Variants in CPLANE1 observed in about 807,000 individuals in gnomAD.
CPLANE1 encodes the protein ciliogenesis and planar polarity effector 1.
In CPLANE1, 263 loss-of-function variants were observed where a neutral mutation model predicts 362.5. That is an observed-to-expected ratio of 0.73 (90% CI 0.66 to 0.80). The LOEUF (loss-of-function observed/expected upper bound fraction) is 0.80. Ranked by LOEUF, CPLANE1 falls within the 30% of genes least tolerant of loss-of-function variation. The pLI is 0.00. For missense variants in CPLANE1, 3,461 were observed against 3,793.4 expected (o/e 0.91, Z 2.30); for synonymous variants, 1,212 against 1,302.6 (o/e 0.93, Z 1.50).
At chr5:37,076,397 C>G in the CPLANE1 span, among the ~76,000 whole-genome samples, 1 of 151,888 alleles carries the variant, frequency 6.6e-6, no homozygotes, top group African/African-American at 2.4e-5. Context: ...CCGCAACCTT[C>G]GCCTCCCAGA....
At chr5:37,127,804 C>A in intron 46 of CPLANE1, among the ~76,000 whole-genome samples, 1 of 152,026 alleles carries the variant, frequency 6.6e-6, no homozygotes, top group East Asian at 1.9e-4. Flanking sequence ...GCATGAGCCA[C>A]CGAGCCCAGC....
intron 39 of CPLANE1, 53 bp downstream of exon 39, chr5:37,158,171 A>G: frequency 6.3e-7 from 1 of 1,577,668 alleles, no homozygotes; most frequent in Middle Eastern, 1.8e-4. Context: ...CTACATGACC[A>G]TAATACATTT....
intron 42 of CPLANE1, among the ~76,000 whole-genome samples, chr5:37,152,545 T>G (rs1469530536): frequency 6.6e-6 from 1 of 152,156 alleles, no homozygotes; most frequent in African/African-American, 2.4e-5. Context: ...CCTATTTTAT[T>G]TAACTACCAT....
rs765570914 is a variant in CPLANE1 at position 37,187,764 on chromosome 5, T to G, written c.3890A>C (p.Gln1297Pro). 2 of 1,613,854 alleles carry G rather than the reference T, an allele frequency of 1.2e-6. No individual in the cohort carries two copies. The highest frequency in any genetic ancestry group is 1.1e-5 in the South Asian group (1 of 91,044). Residue 1297 changes from glutamine (Q) to proline (P), a missense_variant, in exon 22 of 53, where the codon CAG becomes CCG. Gln to Pro is a moderately conservative substitution (Grantham distance 76). Around this residue, in one of 2 missense-constraint regions of CPLANE1, gnomAD observed 3,380 missense variants for 3,666.1 expected, o/e 0.92. Transcript: ENST00000651892. Reference protein sequence around the residue: ...DKLSYSCRQYQKARENVKGEK... With the variant: ...DKLSYSCRQYPKARENVKGEK... ...TCCTTTTACATTTTCTCTTGCTTTC[T>G]GATATTGCCTGCAACTATAGGATAA...
chr5:37,111,777 C>G (rs944308387), intron 51 of CPLANE1, among the ~76,000 whole-genome samples: 3 of 151,900 alleles, frequency 2.0e-5, no homozygotes, highest in Non-Finnish European at 4.4e-5. Context: ...ACTGAAAGTT[C>G]CATGTTAAAA....
chr5:37,125,020 G>A (rs1763756545), intron 47 of CPLANE1: 1 of 1,295,694 alleles, frequency 7.7e-7, no homozygotes, highest in Non-Finnish European at 9.7e-7. Flanking sequence ...TAGCCTGGGG[G>A]ACAAGAAAAT....
intron 38 of CPLANE1, among the ~76,000 whole-genome samples, chr5:37,159,362 C>T (rs1399955512): frequency 2.0e-5 from 3 of 151,994 alleles, no homozygotes; most frequent in Non-Finnish European, 4.4e-5. Flanking sequence ...TCACCCGCCT[C>T]GGCCTCCCAA....
At chr5:37,194,968 C>T (rs1288544957) in intron 21 of CPLANE1, among the ~76,000 whole-genome samples, 1 of 151,584 alleles carries the variant, frequency 6.6e-6, no homozygotes. Context: ...CTGGCTAACA[C>T]GGTGAAACCC....
chr5:37,211,247 C>T (rs187679681), intron 16 of CPLANE1: 13 of 1,498,008 alleles, frequency 8.7e-6, no homozygotes, highest in Non-Finnish European at 1.0e-5. Context: ...TTGAGTTTGT[C>T]GCCAATACTA....
rs1470768013 is a variant in CPLANE1 at position 37,213,545 on chromosome 5, G to T, written c.2920+14C>A. 4.0e-6 allele frequency: 6 copies of T among 1,505,136 alleles called. No individual in the cohort carries two copies. In the African/African-American group the frequency reaches 7.0e-5, roughly 17 times the overall value. 93.2% of individuals were successfully genotyped at this position (1,505,136 alleles called of 1,614,324 possible). ...TGCAAAAAAAGTTTAAAAAGGATTT[G>T]TTTACTACATTACCTGTTTTAATAT... On this transcript the variant is annotated intron_variant, in intron 16 of 52. Transcript: ENST00000651892.
intron 32 of CPLANE1, 34 bp from the exon 33 acceptor site, chr5:37,170,365 A>C (rs767760865): frequency 2.6e-6 from 4 of 1,565,438 alleles, no homozygotes; most frequent in Non-Finnish European, 3.5e-6. Context: ...CGATATCTTA[A>C]AATATAACAA....
At chr5:37,215,063 T>C (rs1036745635) in intron 15 of CPLANE1, among the ~76,000 whole-genome samples, 5 of 152,192 alleles carry the variant, frequency 3.3e-5, no homozygotes, top group Non-Finnish European at 5.9e-5. Context: ...TTTTTTCTCT[T>C]TTTGAGACAG....
chr5:37,095,491 A>T, the CPLANE1 span, among the ~76,000 whole-genome samples: 1 of 152,222 alleles, frequency 6.6e-6, no homozygotes, highest in Non-Finnish European at 1.5e-5. Context: ...TGAATGGGGA[A>T]AAGTCGAAAG....
chr5:37,121,880 G>GTT, intron 48 of CPLANE1, 96 bp from the exon 49 acceptor site: 2 of 996,468 alleles, frequency 2.0e-6, no homozygotes, highest in South Asian at 1.8e-5. Context: ...AGCATGTTCT[G>GTT]GTTTTTTTTT....
At chr5:37,164,156 G>A in intron 37 of CPLANE1, 117 bp downstream of exon 37, 1 of 768,496 alleles carries the variant, frequency 1.3e-6, no homozygotes, top group Non-Finnish European at 2.2e-6. Flanking sequence ...AGGAACCCTT[G>A]AATTTGTAGT....
intron 50 of CPLANE1, among the ~76,000 whole-genome samples, chr5:37,119,795 C>A (rs1762118434): frequency 6.6e-6 from 1 of 151,402 alleles, no homozygotes; most frequent in South Asian, 2.1e-4. Flanking sequence ...ACCATCCTGG[C>A]TAACACAATG....
chr5:37,114,367 C>T (rs927380522), intron 51 of CPLANE1, among the ~76,000 whole-genome samples: 2 of 152,118 alleles, frequency 1.3e-5, no homozygotes, highest in African/African-American at 2.4e-5. Context: ...ATAATAGTTA[C>T]CCTGTTTACC....
chr5:37,161,955 G>C (rs1380581220), intron 38 of CPLANE1, among the ~76,000 whole-genome samples: 1 of 152,160 alleles, frequency 6.6e-6, no homozygotes, highest in Non-Finnish European at 1.5e-5. Flanking sequence ...GAATTTCTGT[G>C]ATAACAATGG....
chr5:37,087,613 C>A, the CPLANE1 span, among the ~76,000 whole-genome samples: 14 of 152,246 alleles, frequency 9.2e-5, no homozygotes, highest in East Asian at 1.7e-3. Flanking sequence ...CCCACCACCA[C>A]GCCCGGCTAA....
Sources: gnomAD v4.1 joint callset for allele counts (sites outside exome capture counted in the v4.1 genomes callset) on GRCh38, gnomAD v4.1.1 for gene constraint, gnomAD v4.1.1 regional missense constraint, MANE v1.5 for transcripts, NCBI Gene and HGNC (gene_info 2026-07-23, HGNC 2026-07-21) for gene names.